The following DNTTIP1 variants were observed in gnomAD, a reference collection of about 807,000 sequenced individuals.
DNTTIP1 encodes the protein deoxynucleotidyltransferase terminal interacting protein 1, also known as deoxynucleotidyltransferase terminal-interacting protein 1.
A neutral mutation model predicts 52.9 loss-of-function variants in DNTTIP1; 22 were observed. The observed-to-expected ratio is 0.42, with a 90% CI of 0.30 to 0.59. DNTTIP1 has a LOEUF of 0.59. DNTTIP1 is among the 20% of genes least tolerant of loss of function. DNTTIP1 has a pLI of 0.22. For missense variants in DNTTIP1, 286 were observed against 435.5 expected (o/e 0.66, Z 3.06); for synonymous variants, 136 against 155.1 (o/e 0.88, Z 0.92).
At chr20:45,800,324 G>C (rs987934262) in intron 4 of DNTTIP1, among the ~76,000 whole-genome samples, 1 of 151,902 alleles carries the variant, frequency 6.6e-6, no homozygotes, top group Non-Finnish European at 1.5e-5. Context: ...TTCCAGCCAT[G>C]ATCATTAATT....
At chr20:45,803,885 G>A (rs368059630) in intron 8 of DNTTIP1, among the ~76,000 whole-genome samples, 10 of 152,246 alleles carry the variant, frequency 6.6e-5, no homozygotes, top group African/African-American at 2.2e-4. Context: ...CCCAAGACCC[G>A]CTGACACCAG....
At chr20:45,793,731 T>G (rs1040849753) in intron 2 of DNTTIP1, among the ~76,000 whole-genome samples, 190 bp from the exon 3 acceptor site, 3 of 152,144 alleles carry the variant, frequency 2.0e-5, no homozygotes, top group African/African-American at 7.2e-5. Context: ...AATATGCACT[T>G]CATAGAGTTA....
intron 8 of DNTTIP1, among the ~76,000 whole-genome samples, chr20:45,804,600 C>T (rs1473629406): frequency 6.6e-6 from 1 of 152,196 alleles, no homozygotes; most frequent in Non-Finnish European, 1.5e-5. Flanking sequence ...AGACCTCCAA[C>T]TCCTCTGTGT....
chr20:45,801,912 C>A, intron 6 of DNTTIP1, 87 bp from the exon 7 acceptor site: 1 of 1,291,154 alleles, frequency 7.7e-7, no homozygotes, highest in Non-Finnish European at 1.1e-6. Context: ...TTTGGAAAAC[C>A]ATCTCTGCCA....
chr20:45,797,550 C>A (rs1981283903), intron 4 of DNTTIP1, among the ~76,000 whole-genome samples: 1 of 152,128 alleles, frequency 6.6e-6, no homozygotes, highest in African/African-American at 2.4e-5. Flanking sequence ...AGGCAACCTA[C>A]AGAATGGGAG....
intron 3 of DNTTIP1, among the ~76,000 whole-genome samples, chr20:45,794,643 G>A (rs1487295056): frequency 6.6e-6 from 1 of 151,442 alleles, no homozygotes; most frequent in Non-Finnish European, 1.5e-5. Context: ...ATTCTTATTA[G>A]TTGTTTAATA....
At chr20:45,803,467 G>C in intron 8 of DNTTIP1, 89 bp downstream of exon 8, 1 of 1,462,078 alleles carries the variant, frequency 6.8e-7, no homozygotes, top group Non-Finnish European at 9.5e-7. Flanking sequence ...GGGGCAGGGG[G>C]CGAAGGGTGC....
chr20:45,792,841 C>A, intron 2 of DNTTIP1, 94 bp downstream of exon 2: 1 of 1,148,874 alleles, frequency 8.7e-7, no homozygotes, highest in South Asian at 1.6e-5. Context: ...AGATCTACAG[C>A]CGGTAGAAAG....
chr20:45,800,200 C>T (rs947896519), intron 4 of DNTTIP1, among the ~76,000 whole-genome samples: 5 of 151,546 alleles, frequency 3.3e-5, no homozygotes, highest in Admixed American at 2.6e-4. Context: ...AAAAAACATA[C>T]AGTATGTATT....
At position 45,793,987 on chromosome 20, in the gene DNTTIP1, G is replaced by A. The variant is rs35492126; in HGVS notation, c.243G>A (p.Glu81=). The A allele has an allele frequency of 3.1e-3, 4,983 of 1,598,506 alleles. 141 individuals carry two copies. The African/African-American group carries it at 0.059, about 19-fold the overall frequency. Residue 81 remains glutamate (E), a synonymous_variant, in exon 3 of 13, where the codon GAG becomes GAA. Transcript: ENST00000372622. ...RAVLQPSINE[E]IQTVFNKYMK... Reference sequence around the variant, plus strand: ...TCCTGCAGCCCAGCATCAACGAGGAGATCCAGACTGTCTTCAACAAGTACA... The same window carrying A: ...TCCTGCAGCCCAGCATCAACGAGGAAATCCAGACTGTCTTCAACAAGTACA...
At chr20:45,802,713 G>A (rs765991752) in intron 7 of DNTTIP1, among the ~76,000 whole-genome samples, 5 of 152,092 alleles carry the variant, frequency 3.3e-5, no homozygotes, top group Non-Finnish European at 5.9e-5. Context: ...CATGAACTTA[G>A]ACAAATGCAT....
chr20:45,808,887 G>C (rs895828962), intron 10 of DNTTIP1, among the ~76,000 whole-genome samples: 37 of 152,118 alleles, frequency 2.4e-4, no homozygotes, highest in Admixed American at 1.2e-3. Flanking sequence ...TTGTGAGAAG[G>C]GGGTGGGGAT....
chr20:45,810,767 C>A, intron 11 of DNTTIP1, 118 bp from the exon 12 acceptor site: 2 of 880,112 alleles, frequency 2.3e-6, no homozygotes, highest in Non-Finnish European at 1.8e-6. Context: ...AATTGTAAAC[C>A]GCATCCCCCG....
intron 4 of DNTTIP1, among the ~76,000 whole-genome samples, chr20:45,798,728 G>C (rs1981327072): frequency 6.6e-6 from 1 of 152,126 alleles, no homozygotes; most frequent in African/African-American, 2.4e-5. Context: ...AAATATCAGA[G>C]AGGTCTTCCC....
chr20:45,795,337 T>C lies in DNTTIP1; in HGVS notation c.274-8T>C. On this transcript the variant is annotated splice_region_variant and splice_polypyrimidine_tract_variant and intron_variant, in intron 3 of 12. Coordinates refer to ENST00000372622, the MANE Select transcript of DNTTIP1 (RefSeq NM_052951.3). ...ACTCTGACCTTGTCCTCTGTTGTGC[T>C]CCCCTAGTTCTTCCAGAAGGCAGCA... 8.8e-6 allele frequency: 14 copies of C among 1,589,816 alleles called. No homozygotes were observed. Among genetic ancestry groups the C allele is most frequent in the Non-Finnish European group, 1.2e-5 (14 of 1,162,998 alleles).
In DNTTIP1 at chr20:45,811,191, C is replaced by A. The variant is rs372129337; in HGVS notation, c.986C>A (p.Thr329Asn). The change falls in exon 13 of 13, where the codon ACC (threonine) becomes AAC (asparagine). Residue 329 changes from threonine (T) to asparagine (N), a missense_variant. This residue lies in a region of DNTTIP1 where 78 missense variants were observed against 169.0 expected (regional missense o/e 0.46). Transcript: ENST00000372622. ...CGTGCTGTTGAAGCACCTCCACAGACCTGAGGCCGGGTCCCCTGGCCACAC... is the reference window on the plus strand; with the variant it reads ...CGTGCTGTTGAAGCACCTCCACAGAACTGAGGCCGGGTCCCCTGGCCACAC... Reference protein sequence around the residue: ...EHRAVEAPPQT With the variant: ...EHRAVEAPPQN 5.1e-5 allele frequency: 82 copies of A among 1,604,936 alleles called. No individual in the cohort carries two copies. The highest frequency in any genetic ancestry group is 3.3e-4 in the Admixed American group (19 of 58,366).
Position 45,791,986 on chromosome 20 carries a change from T to G in DNTTIP1, c.-19T>G. The G allele has an allele frequency of 8.1e-7, 1 of 1,242,210 alleles. No homozygotes were observed. Among genetic ancestry groups the G allele is most frequent in the Non-Finnish European group, 1.0e-6 (1 of 989,714 alleles). The allele number at this position is 1,242,210 out of a possible 1,614,324, so 76.9% of individuals were successfully genotyped here. A position where few individuals can be genotyped will look rare whatever the true frequency, so the allele number is the denominator to read the frequency against. ...GGCCGGTGACAGAGTCCAGCGGAGT[T>G]GTGGGGGCCGGGGGCGCCATGGGAG... is the stretch of plus-strand genomic sequence containing the variant. On this transcript the variant is annotated 5_prime_UTR_variant, in exon 1 of 13. Coordinates refer to ENST00000372622, the MANE Select transcript of DNTTIP1 (RefSeq NM_052951.3).
Position 45,794,121 on chromosome 20 carries a change from A to G in DNTTIP1, c.273+104A>G. On this transcript the variant is annotated intron_variant, in intron 3 of 12. Transcript: ENST00000372622. ...CTCTTTCCTACATACAGATATCTAAAGTTTTCCTTTCTTGTTGTTTTTGTT... is the reference window on the plus strand; with the variant it reads ...CTCTTTCCTACATACAGATATCTAAGGTTTTCCTTTCTTGTTGTTTTTGTT... 3 of 615,052 alleles carry G rather than the reference A, an allele frequency of 4.9e-6. No individual in the cohort carries two copies. The Admixed American group carries it at 1.1e-4, about 22-fold the overall frequency. The allele number at this position is 615,052 out of a possible 1,614,324, so 38.1% of individuals were successfully genotyped here. A position where few individuals can be genotyped will look rare whatever the true frequency, so the allele number is the denominator to read the frequency against.
chr20:45,801,852 A>C (rs1218029976), intron 6 of DNTTIP1, 147 bp from the exon 7 acceptor site: 1 of 840,646 alleles, frequency 1.2e-6, no homozygotes. Context: ...GCCTTCCTAG[A>C]CATGAGAGGC....
Sources: gnomAD v4.1 joint callset for allele counts (sites outside exome capture counted in the v4.1 genomes callset) on GRCh38, gnomAD v4.1.1 for gene constraint, gnomAD v4.1.1 regional missense constraint, MANE v1.5 for transcripts, NCBI Gene and HGNC (gene_info 2026-07-23, HGNC 2026-07-21) for gene names.